Variants in TAFA2 observed in about 807,000 individuals in gnomAD.
TAFA2 encodes the protein chemokine-like protein TAFA-2.
In TAFA2, 7 loss-of-function variants were observed where a neutral mutation model predicts 18.8. That is an observed-to-expected ratio of 0.37 (90% CI 0.21 to 0.70). TAFA2 has a LOEUF of 0.70. Ranked by LOEUF, TAFA2 falls within the 30% of genes least tolerant of loss-of-function variation. The pLI is 0.53. For synonymous variants in TAFA2, 60 were observed against 54.2 expected (o/e 1.11, Z -0.47); for missense variants, 122 against 158.1 (o/e 0.77, Z 1.23).
At chr12:61,874,383 C>T (rs1173189432) in intron 1 of TAFA2, among the ~76,000 whole-genome samples, 1 of 152,124 alleles carries the variant, frequency 6.6e-6, no homozygotes, top group Non-Finnish European at 1.5e-5. Context: ...GCTCTTAATT[C>T]TGTTCAGTAA....
At chr12:61,905,311 C>T (rs1199830692) in intron 1 of TAFA2, among the ~76,000 whole-genome samples, 1 of 152,048 alleles carries the variant, frequency 6.6e-6, no homozygotes, top group East Asian at 1.9e-4. Context: ...TTTGAAATAA[C>T]TTAAGTACCA....
intron 1 of TAFA2, among the ~76,000 whole-genome samples, chr12:62,091,254 C>T (rs969640979): frequency 2.0e-5 from 3 of 151,812 alleles, no homozygotes; most frequent in Non-Finnish European, 4.4e-5. Context: ...ATCTGTATTT[C>T]TTATTTTAAT....
chr12:62,041,597 G>C (rs1480542073), intron 1 of TAFA2, among the ~76,000 whole-genome samples: 2 of 152,074 alleles, frequency 1.3e-5, no homozygotes, highest in Non-Finnish European at 2.9e-5. Context: ...GGCTTTTCTG[G>C]TCAGGTGAAC....
At chr12:61,781,010 T>A (rs1313446739) in intron 2 of TAFA2, among the ~76,000 whole-genome samples, 1 of 151,634 alleles carries the variant, frequency 6.6e-6, no homozygotes, top group Non-Finnish European at 1.5e-5. Context: ...CTTCCTCCCA[T>A]CTAACTATCT....
intron 2 of TAFA2, among the ~76,000 whole-genome samples, chr12:61,838,908 G>A (rs914012733): frequency 2.6e-5 from 4 of 152,030 alleles, no homozygotes; most frequent in African/African-American, 9.7e-5. Context: ...GTTGAAACCA[G>A]GGATGCTACC....
At chr12:62,081,108 C>T (rs1258290336) in intron 1 of TAFA2, among the ~76,000 whole-genome samples, 6 of 152,172 alleles carry the variant, frequency 3.9e-5, no homozygotes, top group African/African-American at 7.2e-5. Context: ...GGCAGGAGAA[C>T]AGCGTGAACC....
rs139530247 is a variant in TAFA2 at position 62,186,323 on chromosome 12, A to G, written c.-2+4936T>C. ...GACTAGTTTGTAGCAGCAAATATAT[A>G]TATATTTATTTATATTTAGTAAAAC... On this transcript the variant is annotated intron_variant, in intron 1 of 4. Transcript: ENST00000416284. Among the ~76,000 whole-genome samples the G allele has an allele frequency of 3.1e-3, 466 of 152,170 alleles. 3 individuals carry two copies. The highest frequency in any genetic ancestry group is 0.011 in the African/African-American group (447 of 41,564).
At chr12:62,035,556 A>T (rs763166674) in intron 1 of TAFA2, among the ~76,000 whole-genome samples, 47 of 101,786 alleles carry the variant, frequency 4.6e-4, no homozygotes, top group South Asian at 3.4e-3. Context: ...AAAAAAAATT[A>T]AAAAAAAAAA....
At chr12:62,067,727 A>G (rs541479093) in intron 1 of TAFA2, among the ~76,000 whole-genome samples, 33 of 152,046 alleles carry the variant, frequency 2.2e-4, no homozygotes, top group Non-Finnish European at 4.3e-4. Flanking sequence ...TCTGTAGCAT[A>G]GTAGCCCAAT....
intron 4 of TAFA2, among the ~76,000 whole-genome samples, chr12:61,738,119 G>A (rs796871705): frequency 2.0e-5 from 3 of 151,900 alleles, no homozygotes; most frequent in Admixed American, 1.3e-4. Flanking sequence ...GTTTCTACTT[G>A]GTGTTTTGTG....
chr12:62,220,593 G>T (rs2062756355), intron 1 of TAFA2, among the ~76,000 whole-genome samples: 1 of 152,166 alleles, frequency 6.6e-6, no homozygotes, highest in Non-Finnish European at 1.5e-5. Context: ...TGTGGACATT[G>T]AGTGATAATG....
At chr12:62,220,877 G>A (rs1377655022) in intron 1 of TAFA2, among the ~76,000 whole-genome samples, 2 of 152,106 alleles carry the variant, frequency 1.3e-5, no homozygotes, top group Non-Finnish European at 2.9e-5. Flanking sequence ...GTGAGGCCGA[G>A]GCGGGCGGAT....
intron 1 of TAFA2, among the ~76,000 whole-genome samples, chr12:62,115,756 T>TA (rs1415001805): frequency 6.6e-6 from 1 of 152,186 alleles, no homozygotes; most frequent in Admixed American, 6.5e-5. Context: ...AAACTCTATT[T>TA]ATCTGCAGTG....
chr12:62,133,607 T>C (rs1290002407), intron 1 of TAFA2, among the ~76,000 whole-genome samples: 1 of 152,044 alleles, frequency 6.6e-6, no homozygotes, highest in African/African-American at 2.4e-5. Context: ...GCTTTGTTTT[T>C]CCATTGCTTA....
intron 2 of TAFA2, among the ~76,000 whole-genome samples, chr12:61,809,117 C>A (rs775120183): frequency 6.6e-6 from 1 of 151,382 alleles, no homozygotes; most frequent in Non-Finnish European, 1.5e-5. Flanking sequence ...TGCATGTGCA[C>A]GTGTGTGCAT....
intron 1 of TAFA2, among the ~76,000 whole-genome samples, chr12:62,138,242 C>T (rs1385284478): frequency 6.6e-6 from 1 of 152,100 alleles, no homozygotes; most frequent in Non-Finnish European, 1.5e-5. Flanking sequence ...TATGATTGTA[C>T]CACTGCACTC....
chr12:61,864,587 C>G (rs1466187999), intron 2 of TAFA2, among the ~76,000 whole-genome samples: 2 of 151,248 alleles, frequency 1.3e-5, no homozygotes, highest in Non-Finnish European at 3.0e-5. Flanking sequence ...TCCTGGCTAA[C>G]ACGGTGAAAC....
chr12:61,965,515 G>C (rs146781334), intron 1 of TAFA2, among the ~76,000 whole-genome samples: 1 of 152,046 alleles, frequency 6.6e-6, no homozygotes, highest in East Asian at 1.9e-4. Flanking sequence ...CTTGGGAGAA[G>C]GTAACTGGCA....
intron 4 of TAFA2, among the ~76,000 whole-genome samples, chr12:61,738,290 AACAC>A (rs369001355): frequency 1.3e-3 from 156 of 124,622 alleles, no homozygotes; most frequent in African/African-American, 2.8e-3. Flanking sequence ...TGAAAATGAA[AACAC>A]ACACACACAC....
Sources: allele counts gnomAD v4.1 joint callset (sites outside exome capture counted in the v4.1 genomes callset), GRCh38; gene constraint gnomAD v4.1.1; transcripts MANE v1.5; gene names NCBI Gene and HGNC (gene_info 2026-07-23, HGNC 2026-07-21).